Variants in SDK1 observed in about 807,000 individuals in gnomAD.
The protein encoded by SDK1 is sidekick cell adhesion molecule 1.
In SDK1, 157 loss-of-function variants were observed where a neutral mutation model predicts 245.5. That is an observed-to-expected ratio of 0.64 (90% CI 0.56 to 0.73). The LOEUF (loss-of-function observed/expected upper bound fraction) is 0.73. Ranked by LOEUF, SDK1 falls within the 30% of genes least tolerant of loss-of-function variation. The pLI, the probability that SDK1 is intolerant of heterozygous loss-of-function variation, is 0.00. For missense variants in SDK1, 3,583 were observed against 3,002.3 expected (o/e 1.19, Z -4.52); for synonymous variants, 1,647 against 1,278.5 (o/e 1.29, Z -6.15).
At position 4,208,279 on chromosome 7, in the gene SDK1, C is replaced by G; in HGVS notation, c.5395C>G (p.Gln1799Glu). The change falls in exon 37 of 45, where the codon CAG becomes GAG. Residue 1799 changes from glutamine to glutamate, a missense_variant. Gln to Glu is a conservative substitution (Grantham distance 29, BLOSUM62 2). Coordinates refer to ENST00000404826, the MANE Select transcript of SDK1 (RefSeq NM_152744.4). Reference protein sequence around the residue: ...KSDPQQGRTHQAAPGAPSFLA... With the variant: ...KSDPQQGRTHEAAPGAPSFLA... ...TGACCCCCAGCAGGGGCGCACCCAC[C>G]AGGCCGGTAGGAGGAAGGCGGGTTT... The G allele has an allele frequency of 6.2e-7, 1 of 1,612,612 alleles. No individual in the cohort carries two copies. Among genetic ancestry groups the G allele is most frequent in the Non-Finnish European group, 8.5e-7 (1 of 1,179,610 alleles).
chr7:3,331,257 T>G (rs1166687762), intron 1 of SDK1, among the ~76,000 whole-genome samples: 1 of 152,106 alleles, frequency 6.6e-6, no homozygotes, highest in Non-Finnish European at 1.5e-5. Flanking sequence ...AGCGAGACTC[T>G]GTCTGAAAAA....
chr7:3,899,344 A>G (rs1170448451), intron 5 of SDK1, among the ~76,000 whole-genome samples: 1 of 152,088 alleles, frequency 6.6e-6, no homozygotes, highest in Admixed American at 6.5e-5. Flanking sequence ...CCCATCATCT[A>G]CAGGCTAAAG....
At chr7:3,817,887 T>C (rs994844731) in intron 4 of SDK1, among the ~76,000 whole-genome samples, 1 of 152,232 alleles carries the variant, frequency 6.6e-6, no homozygotes, top group Non-Finnish European at 1.5e-5. Context: ...GGAAATGGTC[T>C]TCCTTTACTG....
At chr7:3,610,775 T>A (rs2128642004) in intron 1 of SDK1, among the ~76,000 whole-genome samples, 1 of 152,356 alleles carries the variant, frequency 6.6e-6, no homozygotes, top group African/African-American at 2.4e-5. Context: ...AGAATCAGTT[T>A]GACTTCCCCA....
rs1221224031 is a variant in SDK1, at chr7:4,095,348, C to T, written c.3325-15315C>T. ...CCATATCTGAGCTCTTCCTCAGCTC[C>T]CCCACACCTGAGGTCTATGTGTAGC... On this transcript the variant is annotated intron_variant, in intron 22 of 44. Transcript: ENST00000404826. Among the ~76,000 whole-genome samples the T allele has an allele frequency of 2.0e-5, 3 of 151,996 alleles. No individual in the cohort carries two copies. The East Asian group carries it at 5.8e-4, about 29-fold the overall frequency.
intron 30 of SDK1, among the ~76,000 whole-genome samples, chr7:4,156,043 A>C (rs973541941): frequency 2.0e-5 from 3 of 152,266 alleles, no homozygotes; most frequent in African/African-American, 7.2e-5. Flanking sequence ...TGAGTGTCTC[A>C]CCTGAGTTTA....
In SDK1 at chr7:3,902,692, T is replaced by A. The variant is rs996278780; in HGVS notation, c.848-48231T>A. Among the ~76,000 whole-genome samples the A allele has an allele frequency of 6.6e-5, 10 of 152,218 alleles. No homozygotes were observed. The South Asian group carries it at 8.3e-4, about 13-fold the overall frequency. ...CAAAAGTCTAAATTACATGAAAAGA[T>A]GTGGTCAGAGAAGCCTCATCGCCTT... On this transcript the variant is annotated intron_variant, in intron 5 of 44. Transcript: ENST00000404826.
chr7:3,896,294 G>A (rs528960448), intron 5 of SDK1, among the ~76,000 whole-genome samples: 1 of 152,262 alleles, frequency 6.6e-6, no homozygotes, highest in East Asian at 1.9e-4. Flanking sequence ...TTGAAGTGCT[G>A]GCCTGATGGT....
At chr7:4,234,561 G>C (rs890930041) in intron 41 of SDK1, among the ~76,000 whole-genome samples, 1 of 152,144 alleles carries the variant, frequency 6.6e-6, no homozygotes, top group African/African-American at 2.4e-5. Context: ...AGCCGTGGGT[G>C]GGGGAGCTGG....
At chr7:4,115,822 A>T (rs1468070753) in intron 25 of SDK1, among the ~76,000 whole-genome samples, 1 of 152,206 alleles carries the variant, frequency 6.6e-6, no homozygotes, top group Non-Finnish European at 1.5e-5. Context: ...AGAAAAATTA[A>T]TTAACTTGCT....
intron 22 of SDK1, among the ~76,000 whole-genome samples, chr7:4,089,313 C>T (rs1781636877): frequency 1.3e-5 from 2 of 152,232 alleles, no homozygotes; most frequent in Admixed American, 6.5e-5. Context: ...GCCCAGACCC[C>T]GACTCAGTTC....
intron 1 of SDK1, among the ~76,000 whole-genome samples, chr7:3,441,850 C>T (rs1780205789): frequency 1.3e-5 from 2 of 152,106 alleles, no homozygotes; most frequent in South Asian, 2.1e-4. Context: ...CGATCATAAA[C>T]CAAAAGTGAT....
At chr7:3,510,743 T>C (rs1268846411) in intron 1 of SDK1, among the ~76,000 whole-genome samples, 1 of 152,100 alleles carries the variant, frequency 6.6e-6, no homozygotes, top group Non-Finnish European at 1.5e-5. Flanking sequence ...GATGTTTCTT[T>C]TCAGACGTTT....
At chr7:3,372,205 G>T (rs1459456300) in intron 1 of SDK1, among the ~76,000 whole-genome samples, 1 of 152,194 alleles carries the variant, frequency 6.6e-6, no homozygotes, top group African/African-American at 2.4e-5. Context: ...GTCTGGAGCA[G>T]TGCGAAGTCT....
rs565397547 is a variant in SDK1 at position 4,044,138 on chromosome 7, C to G, written c.2603-5210C>G. Among the ~76,000 whole-genome samples, 6 of 152,312 alleles carry G rather than the reference C, an allele frequency of 3.9e-5. 1 individual carries two copies. In the South Asian group the frequency reaches 1.2e-3, roughly 32 times the overall value. ...TTGGAGCAGGGCTTGGATATGTGACCGTCTGTGCCTCTCATTCAGTTGGGA... is the reference window on the plus strand; with the variant it reads ...TTGGAGCAGGGCTTGGATATGTGACGGTCTGTGCCTCTCATTCAGTTGGGA... On this transcript the variant is annotated intron_variant, in intron 17 of 44. Coordinates refer to ENST00000404826, the MANE Select transcript of SDK1 (RefSeq NM_152744.4).
chr7:3,979,004 C>CT (rs1367647029), intron 13 of SDK1, among the ~76,000 whole-genome samples: 2 of 152,232 alleles, frequency 1.3e-5, no homozygotes, highest in African/African-American at 4.8e-5. Context: ...CTCATTGAGG[C>CT]TGAGTGGAGG....
chr7:3,378,395 G>A (rs1781404293), intron 1 of SDK1, among the ~76,000 whole-genome samples: 2 of 152,196 alleles, frequency 1.3e-5, no homozygotes, highest in South Asian at 4.1e-4. Flanking sequence ...TTTGTGCTCA[G>A]ATGACCTGTT....
intron 4 of SDK1, among the ~76,000 whole-genome samples, chr7:3,798,702 C>G (rs1266848671): frequency 6.6e-6 from 1 of 152,168 alleles, no homozygotes; most frequent in African/African-American, 2.4e-5. Flanking sequence ...GTATTGTTCC[C>G]TTTCCACATT....
At position 3,418,145 on chromosome 7, in the gene SDK1, G is replaced by GCAAAAAAAAAAAAAAAAA. The variant is rs1292199670; in HGVS notation, c.298+116261_298+116262insCAAAAAAAAAAAAAAAAA. Among the ~76,000 whole-genome samples, 67 of 119,720 alleles carry GCAAAAAAAAAAAAAAAAA rather than the reference G, an allele frequency of 5.6e-4. 9 individuals carry two copies. Among genetic ancestry groups the GCAAAAAAAAAAAAAAAAA allele is most frequent in the African/African-American group, 2.2e-3 (56 of 25,780 alleles). 78.5% of individuals were successfully genotyped at this position (119,720 alleles called of 152,430 possible). A position where few individuals can be genotyped will look rare whatever the true frequency, so the allele number is the denominator to read the frequency against. On this transcript the variant is annotated intron_variant, in intron 1 of 44. Coordinates refer to ENST00000404826, the MANE Select transcript of SDK1 (RefSeq NM_152744.4). ...GTGAAACCCGATCTCTACTAAAAAT[G>GCAAAAAAAAAAAAAAAAA]AAAAAAAAAAAAAAAAAAAAAAATA...
Sources: allele counts gnomAD v4.1 joint callset (sites outside exome capture counted in the v4.1 genomes callset), GRCh38; gene constraint gnomAD v4.1.1; transcripts MANE v1.5; gene names NCBI Gene and HGNC (gene_info 2026-07-23, HGNC 2026-07-21).